The following OLA1 variants were observed in gnomAD, a reference collection of about 807,000 sequenced individuals.
OLA1 encodes the protein obg-like ATPase 1.
A neutral mutation model predicts 48.4 loss-of-function variants in OLA1; 14 were observed. The ratio of observed to expected loss-of-function variants is 0.29; its 90% CI spans 0.19 to 0.45. OLA1 has a LOEUF of 0.45. Among genes scored for constraint, OLA1 ranks in the 20% least tolerant of loss-of-function variants. OLA1 has a pLI of 1.00. For missense variants in OLA1, 325 were observed against 467.1 expected (o/e 0.70, Z 2.80); for synonymous variants, 127 against 150.4 (o/e 0.84, Z 1.14).
intron 4 of OLA1, among the ~76,000 whole-genome samples, chr2:174,167,241 G>C (rs1167983011): frequency 2.0e-5 from 3 of 152,146 alleles, no homozygotes; most frequent in Non-Finnish European, 4.4e-5. Context: ...GACTACATGA[G>C]AGATAGGACT....
chr2:174,222,886 A>T, intron 4 of OLA1, 147 bp downstream of exon 4: 1 of 757,054 alleles, frequency 1.3e-6, no homozygotes, highest in Non-Finnish European at 2.1e-6. Context: ...AAGTAACATT[A>T]AAGTCACAGA....
intron 4 of OLA1, among the ~76,000 whole-genome samples, chr2:174,144,728 G>A (rs539679826): frequency 7.5e-4 from 113 of 151,344 alleles, no homozygotes; most frequent in Non-Finnish European, 1.3e-3. Context: ...TGAGGCAGGA[G>A]GATCGCCTGA....
chr2:174,215,194 G>C (rs1353530536), intron 4 of OLA1, among the ~76,000 whole-genome samples: 1 of 152,138 alleles, frequency 6.6e-6, no homozygotes, highest in African/African-American at 2.4e-5. Flanking sequence ...GGAGCTTTTG[G>C]GGTGATGAAA....
At chr2:174,097,819 C>G (rs10193298) in intron 7 of OLA1, among the ~76,000 whole-genome samples, 14,991 of 152,072 alleles carry the variant, frequency 0.099, 1,029 homozygotes, top group African/African-American at 0.18. Flanking sequence ...CATCCCTTCC[C>G]AAGTGGATCT....
intron 5 of OLA1, among the ~76,000 whole-genome samples, chr2:174,131,324 A>G (rs1359026230): frequency 1.3e-5 from 2 of 152,080 alleles, no homozygotes; most frequent in African/African-American, 4.8e-5. Flanking sequence ...ATAATATTTC[A>G]CTGTAGGAAT....
intron 2 of OLA1, among the ~76,000 whole-genome samples, chr2:174,241,902 C>T (rs887487722): frequency 1.3e-5 from 2 of 152,256 alleles, no homozygotes; most frequent in Non-Finnish European, 2.9e-5. Flanking sequence ...TCCCAAAGTG[C>T]TGGGATTACA....
chr2:174,118,634 CT>C (rs2105364639), intron 7 of OLA1, among the ~76,000 whole-genome samples: 1 of 152,074 alleles, frequency 6.6e-6, no homozygotes, highest in East Asian at 1.9e-4. Flanking sequence ...ATAACTTTTC[CT>C]GTTTATGTGG....
intron 2 of OLA1, among the ~76,000 whole-genome samples, chr2:174,229,758 T>C (rs1165805826): frequency 1.3e-5 from 2 of 152,238 alleles, no homozygotes; most frequent in African/African-American, 4.8e-5. Flanking sequence ...ATCTATTTTT[T>C]TTCCATAATA....
At chr2:174,085,905 C>T (rs887579732) in intron 7 of OLA1, among the ~76,000 whole-genome samples, 2 of 152,152 alleles carry the variant, frequency 1.3e-5, no homozygotes, top group Admixed American at 1.3e-4. Flanking sequence ...TTTCTTAACT[C>T]CCCTCTCAAA....
At chr2:174,128,899 T>A (rs1312970543) in intron 5 of OLA1, among the ~76,000 whole-genome samples, 1 of 152,150 alleles carries the variant, frequency 6.6e-6, no homozygotes, top group African/African-American at 2.4e-5. Flanking sequence ...GTCCAAAATA[T>A]ACTGCTAAGT....
chr2:174,205,471 T>C (rs754051929), intron 4 of OLA1, among the ~76,000 whole-genome samples: 6 of 152,192 alleles, frequency 3.9e-5, no homozygotes, highest in Non-Finnish European at 7.3e-5. Context: ...CAACCTGAAA[T>C]GCAAGAGAAG....
intron 4 of OLA1, among the ~76,000 whole-genome samples, chr2:174,180,581 C>A (rs931409641): frequency 6.6e-6 from 1 of 152,200 alleles, no homozygotes; most frequent in East Asian, 1.9e-4. Context: ...ATGGCTAAAA[C>A]CTTTTTTCCT....
chr2:174,156,713 T>C (rs922974289), intron 4 of OLA1, among the ~76,000 whole-genome samples: 2 of 150,710 alleles, frequency 1.3e-5, no homozygotes, highest in African/African-American at 4.9e-5. Context: ...GCCTCCGGAG[T>C]AGCTGGGATT....
chr2:174,163,714 AT>A (rs61270419), intron 4 of OLA1, among the ~76,000 whole-genome samples: 6,257 of 16,658 alleles, frequency 0.38, 784 homozygotes, highest in Non-Finnish European at 0.41. Flanking sequence ...ATAAATAAAT[AT>A]ATATATATAT....
chr2:174,110,453 A>T (rs1553479921), intron 7 of OLA1, among the ~76,000 whole-genome samples: 1 of 149,350 alleles, frequency 6.7e-6, no homozygotes, highest in Non-Finnish European at 1.5e-5. Flanking sequence ...TGCCCGGCCA[A>T]TTTTTTTTTG....
At chr2:174,193,976 A>G (rs912908102) in intron 4 of OLA1, among the ~76,000 whole-genome samples, 1 of 152,104 alleles carries the variant, frequency 6.6e-6, no homozygotes, top group Non-Finnish European at 1.5e-5. Flanking sequence ...GGCCCCGCAT[A>G]TTCCTGACAA....
At chr2:174,205,263 A>C (rs1225424314) in intron 4 of OLA1, among the ~76,000 whole-genome samples, 1 of 152,228 alleles carries the variant, frequency 6.6e-6, no homozygotes, top group Non-Finnish European at 1.5e-5. Flanking sequence ...TATACAAATC[A>C]GAATTCAGCC....
chr2:174,207,287 C>A (rs186117053), intron 4 of OLA1, among the ~76,000 whole-genome samples: 1 of 152,150 alleles, frequency 6.6e-6, no homozygotes. Flanking sequence ...AACCAAACAC[C>A]CACAACAAAA....
intron 4 of OLA1, among the ~76,000 whole-genome samples, chr2:174,183,002 T>C (rs1687581739): frequency 6.6e-6 from 1 of 152,298 alleles, no homozygotes; most frequent in African/African-American, 2.4e-5. Flanking sequence ...GCTAATAAAA[T>C]GTTAAAGACA....
Sources: gnomAD v4.1 joint callset for allele counts (sites outside exome capture counted in the v4.1 genomes callset) on GRCh38, gnomAD v4.1.1 for gene constraint, MANE v1.5 for transcripts, NCBI Gene and HGNC (gene_info 2026-07-23, HGNC 2026-07-21) for gene names.